Variants in CFAP61 observed in about 807,000 individuals in gnomAD.
CFAP61 encodes cilia- and flagella-associated protein 61.
CFAP61 carries 107 observed loss-of-function variants against 135.6 expected under a neutral mutation model. That is an observed-to-expected ratio of 0.79 (90% CI 0.67 to 0.93). The LOEUF (loss-of-function observed/expected upper bound fraction) is 0.93. CFAP61 is among the 40% of genes least tolerant of loss of function. The pLI is 0.00. For missense variants in CFAP61, 1,507 were observed against 1,556.2 expected (o/e 0.97, Z 0.53); for synonymous variants, 575 against 578.5 (o/e 0.99, Z 0.09).
chr20:20,305,133 T>A (rs2056393295), intron 25 of CFAP61, among the ~76,000 whole-genome samples: 1 of 152,178 alleles, frequency 6.6e-6, no homozygotes, highest in African/African-American at 2.4e-5. Context: ...GCCTCCACAC[T>A]TCCCCGCACA....
intron 8 of CFAP61, among the ~76,000 whole-genome samples, chr20:20,111,053 T>C (rs2048769419): frequency 6.6e-6 from 1 of 152,180 alleles, no homozygotes; most frequent in Non-Finnish European, 1.5e-5. Context: ...ATGAGCAGGA[T>C]TAGAATCTGA....
In CFAP61 at chr20:20,096,048, G is replaced by T. The variant is rs550285184; in HGVS notation, c.700-2607G>T. 4.7e-4 allele frequency among the ~76,000 whole-genome samples: 72 copies of T among 152,254 alleles called. 1 individual carries two copies. The highest frequency in any genetic ancestry group is 8.4e-4 in the Non-Finnish European group (57 of 68,022). ...CCTTCAGTTTTGTTCTCCAGTATAA[G>T]ATAATTGAAGACACTTGTGGTGAAA... On this transcript the variant is annotated intron_variant, in intron 7 of 26. Transcript: ENST00000245957.
intron 1 of CFAP61, 176 bp downstream of exon 1, chr20:20,052,767 C>CG (rs759117358): frequency 2.2e-5 from 34 of 1,543,194 alleles, no homozygotes; most frequent in Admixed American, 1.8e-4. Context: ...TGCTCGAGGG[C>CG]GGGGGAAGAA....
chr20:20,275,669 G>A (rs1234157760), intron 21 of CFAP61, among the ~76,000 whole-genome samples: 3 of 152,184 alleles, frequency 2.0e-5, no homozygotes, highest in African/African-American at 7.2e-5. Flanking sequence ...AGCTGTGTGA[G>A]ACCTAAACAC....
At chr20:20,065,972 GAACTT>G (rs1391586689) in intron 2 of CFAP61, among the ~76,000 whole-genome samples, 1 of 145,320 alleles carries the variant, frequency 6.9e-6, no homozygotes, top group Non-Finnish European at 1.5e-5. Context: ...TTTGTACAAA[GAACTT>G]AAACAAATTT....
chr20:20,074,149 G>C (rs915781622), intron 3 of CFAP61, among the ~76,000 whole-genome samples, 153 bp from the exon 4 acceptor site: 14 of 152,184 alleles, frequency 9.2e-5, no homozygotes, highest in Admixed American at 7.2e-4. Context: ...CTCAAATGCC[G>C]CCTGGGTGTT....
intron 17 of CFAP61, among the ~76,000 whole-genome samples, chr20:20,206,406 A>G (rs752080304): frequency 6.6e-6 from 1 of 152,162 alleles, no homozygotes; most frequent in African/African-American, 2.4e-5. Flanking sequence ...ACCTGTACCC[A>G]TTGGCAGTCA....
chr20:20,248,735 C>T (rs1042733384), intron 19 of CFAP61, among the ~76,000 whole-genome samples: 1 of 152,156 alleles, frequency 6.6e-6, no homozygotes, highest in Non-Finnish European at 1.5e-5. Flanking sequence ...GTGCAGGTCT[C>T]CACTGACTCA....
chr20:20,264,390 G>A (rs1255546994), intron 21 of CFAP61, among the ~76,000 whole-genome samples: 1 of 152,104 alleles, frequency 6.6e-6, no homozygotes. Flanking sequence ...GGAACCTTTG[G>A]GTAGAGGTGG....
At chr20:20,111,205 T>C (rs561017081) in intron 8 of CFAP61, among the ~76,000 whole-genome samples, 1 of 152,370 alleles carries the variant, frequency 6.6e-6, no homozygotes, top group East Asian at 1.9e-4. Context: ...ATTATTTATA[T>C]GAATACTTCA....
intron 16 of CFAP61, among the ~76,000 whole-genome samples, chr20:20,198,295 T>C (rs1376784903): frequency 6.6e-6 from 1 of 152,232 alleles, no homozygotes; most frequent in Non-Finnish European, 1.5e-5. Context: ...CTTCAGGATG[T>C]GATATTAAAT....
intron 8 of CFAP61, among the ~76,000 whole-genome samples, chr20:20,119,023 A>G (rs1488368708): frequency 6.6e-6 from 1 of 151,872 alleles, no homozygotes; most frequent in Non-Finnish European, 1.5e-5. Flanking sequence ...TTGGTTTGCT[A>G]GTGTTTTGTT....
chr20:20,299,663 C>T (rs981063711), intron 25 of CFAP61, among the ~76,000 whole-genome samples: 15 of 152,260 alleles, frequency 9.9e-5, no homozygotes, highest in African/African-American at 2.6e-4. Flanking sequence ...CCAAAGAAAG[C>T]GAGCATTCTG....
chr20:20,277,525 G>A, intron 22 of CFAP61, 67 bp downstream of exon 22: 3 of 1,485,966 alleles, frequency 2.0e-6, no homozygotes, highest in Non-Finnish European at 2.7e-6. Context: ...GGATTTGGGG[G>A]TCTGGAAGAT....
chr20:20,060,488 A>G (rs189245121), intron 2 of CFAP61, among the ~76,000 whole-genome samples: 3 of 152,340 alleles, frequency 2.0e-5, no homozygotes, highest in Admixed American at 1.3e-4. Context: ...TGAGGTATAA[A>G]CCATATGTTA....
At chr20:20,263,983 A>G (rs6081941) in intron 21 of CFAP61, among the ~76,000 whole-genome samples, 64,334 of 152,014 alleles carry the variant, frequency 0.42, 13,868 homozygotes, top group Middle Eastern at 0.57. Context: ...GTATATAAAT[A>G]TAATCTAATT....
chr20:20,356,534 A>C (rs2059181174), intron 26 of CFAP61, among the ~76,000 whole-genome samples: 10 of 86,862 alleles, frequency 1.2e-4, no homozygotes, highest in African/African-American at 3.0e-4. Context: ...TCACAGTGTG[A>C]GGGGAGGTGG....
chr20:20,233,016 T>C (rs1311655792), intron 18 of CFAP61: 1 of 152,242 alleles, frequency 6.6e-6, no homozygotes, highest in Non-Finnish European at 1.5e-5. Context: ...GCCTAGACAC[T>C]GATCCCCTCA....
At position 20,288,675 on chromosome 20, in the gene CFAP61, C is replaced by T; in HGVS notation, c.2863C>T (p.Leu955Phe). Residue 955 changes from leucine (L) to phenylalanine (F), a missense_variant, in exon 23 of 27, where the codon CTT becomes TTT. By Grantham distance (22) the Leu-to-Phe change is conservative. Transcript: ENST00000245957. ...GTTTAAAGCCCTCAATGATGCATGT[C>T]TTGTGTATGACAGTCGACTTGTGAT... ...ETFKALNDAC[L>F]VYDSRLVIDT... is the part of the protein sequence containing the mutation. 1.2e-6 allele frequency: 2 copies of T among 1,614,068 alleles called. No individual in the cohort carries two copies. Among genetic ancestry groups the T allele is most frequent in the Non-Finnish European group, 1.7e-6 (2 of 1,179,942 alleles).
Sources: gnomAD v4.1 joint callset for allele counts (sites outside exome capture counted in the v4.1 genomes callset) on GRCh38, gnomAD v4.1.1 for gene constraint, MANE v1.5 for transcripts, NCBI Gene and HGNC (gene_info 2026-07-23, HGNC 2026-07-21) for gene names.